LLGL1: variants seen among roughly 807,000 people sequenced by gnomAD.
LLGL1 encodes the protein lethal(2) giant larvae protein homolog 1.
LLGL1 carries 58 observed loss-of-function variants against 110.6 expected under a neutral mutation model. The ratio of observed to expected loss-of-function variants is 0.52; its 90% CI spans 0.42 to 0.65. The LOEUF (loss-of-function observed/expected upper bound fraction) is 0.65, where lower values mean the gene tolerates loss of function less well. Among genes scored for constraint, LLGL1 ranks in the 30% least tolerant of loss-of-function variants. LLGL1 has a pLI of 0.00. For missense variants in LLGL1, 1,229 were observed against 1,462.1 expected (o/e 0.84, Z 2.60); for synonymous variants, 674 against 607.2 (o/e 1.11, Z -1.62).
intron 5 of LLGL1, 30 bp downstream of exon 5, chr17:18,233,966 A>G (rs1366473789): frequency 3.7e-6 from 6 of 1,600,122 alleles, no homozygotes; most frequent in Admixed American, 1.7e-5. Flanking sequence ...CCCAGCACCC[A>G]CTGTGTGCCC....
intron 18 of LLGL1, 23 bp from the exon 19 acceptor site, chr17:18,241,862 T>C: frequency 6.2e-7 from 1 of 1,606,644 alleles, no homozygotes; most frequent in Non-Finnish European, 8.5e-7. Flanking sequence ...CTAACTGCAC[T>C]CCTCATTCTT....
intron 1 of LLGL1, among the ~76,000 whole-genome samples, chr17:18,226,793 G>C (rs8071028): frequency 0.034 from 5,248 of 152,292 alleles, 271 homozygotes; most frequent in African/African-American, 0.11. Flanking sequence ...GTTAGAGCAG[G>C]GCCTCAGCCC....
Position 18,237,663 on chromosome 17 carries a change from A to AGCT in LLGL1, c.1799_1801dup (p.Ala600dup). 6.2e-7 allele frequency: 1 copy of AGCT among 1,612,486 alleles called. No individual in the cohort carries two copies. The highest frequency in any genetic ancestry group is 8.5e-7 in the Non-Finnish European group (1 of 1,179,966). ...GTGTCCTGGTGCAGTGCCTGCCGCC[A>AGCT]GCTGCTGTAACCGCTGTCACACTCC... On this transcript the variant is annotated inframe_insertion, in exon 14 of 23. Coordinates refer to ENST00000316843, the MANE Select transcript of LLGL1 (RefSeq NM_004140.4).
At chr17:18,230,765 A>G (rs1311654071) in intron 2 of LLGL1, among the ~76,000 whole-genome samples, 1 of 152,074 alleles carries the variant, frequency 6.6e-6, no homozygotes, top group African/African-American at 2.4e-5. Flanking sequence ...TTCAGACATC[A>G]GTTCCCAGAA....
chr17:18,227,899 G>A (rs2047485305), intron 1 of LLGL1, among the ~76,000 whole-genome samples: 1 of 152,178 alleles, frequency 6.6e-6, no homozygotes, highest in Non-Finnish European at 1.5e-5. Context: ...TGATCGCTAG[G>A]GAATAGGCCC....
At position 18,241,937 on chromosome 17, in the gene LLGL1, G is replaced by C. The variant is rs2047844316; in HGVS notation, c.2820G>C (p.Arg940=). The change falls in exon 19 of 23, where the codon CGG becomes CGC. Residue 940 remains arginine (R), a synonymous_variant. Coordinates refer to ENST00000316843, the MANE Select transcript of LLGL1 (RefSeq NM_004140.4). ...SEFERFSLSA[R]NITEPLCSLD... ...TTGAACGCTTCTCCCTAAGTGCCCG[G>C]AACATCACAGAGCCGCTCTGCTCTC... 5 of 1,614,172 alleles carry C rather than the reference G, an allele frequency of 3.1e-6. No individual in the cohort carries two copies. Among genetic ancestry groups the C allele is most frequent in the Non-Finnish European group, 4.2e-6 (5 of 1,180,008 alleles).
rs778559680 is a variant in LLGL1 at position 18,241,431 on chromosome 17, C to T, written c.2503-20C>T. 20 of 1,605,488 alleles carry T rather than the reference C, an allele frequency of 1.2e-5. No individual in the cohort carries two copies. Among genetic ancestry groups the T allele is most frequent in the South Asian group, 8.8e-5 (8 of 90,738 alleles). On this transcript the variant is annotated intron_variant, in intron 17 of 22. Coordinates refer to ENST00000316843, the MANE Select transcript of LLGL1 (RefSeq NM_004140.4). ...CGAGGACAGGGCCAGGCTTTGTGCT[C>T]ACCAGCCACCTGCTGTCAGGTGTTC... is the stretch of plus-strand genomic sequence containing the variant.
chr17:18,242,177 G>A lies in LLGL1; in HGVS notation c.2894G>A (p.Arg965Gln), dbSNP rs758272132. ...RDATQASYRI[R>Q]ESPKLSQANG... ...CCCCATCTCTGCAGTTACAGGATCCGAGAGTCACCCAAGCTGAGCCAGGCT... is the reference window on the plus strand; with the variant it reads ...CCCCATCTCTGCAGTTACAGGATCCAAGAGTCACCCAAGCTGAGCCAGGCT... Residue 965 changes from arginine (R) to glutamine (Q), a missense_variant, in exon 20 of 23, where the codon CGA becomes CAA. Transcript: ENST00000316843. The A allele has an allele frequency of 1.4e-5, 22 of 1,613,692 alleles. No individual in the cohort carries two copies. Among genetic ancestry groups the A allele is most frequent in the Admixed American group, 1.0e-4 (6 of 59,974 alleles).
chr17:18,234,892 G>A lies in LLGL1; in HGVS notation c.959G>A (p.Arg320His), dbSNP rs1236793920. 3.7e-6 allele frequency: 6 copies of A among 1,613,940 alleles called. No homozygotes were observed. Among genetic ancestry groups the A allele is most frequent in the South Asian group, 2.2e-5 (2 of 91,072 alleles). Reference protein sequence around the residue: ...GGMPRASYGDRHCVSVLRAET... With the variant: ...GGMPRASYGDHHCVSVLRAET... ...ATGCCCCGTGCCAGCTATGGTGACC[G>A]CCACTGTGTAAGTGTGCTTCGAGCC... Residue 320 changes from arginine to histidine, a missense_variant, in exon 9 of 23, where the codon CGC (arginine) becomes CAC (histidine). Transcript: ENST00000316843.
intron 16 of LLGL1, 71 bp downstream of exon 16, chr17:18,238,680 T>C: frequency 2.7e-6 from 4 of 1,475,072 alleles, no homozygotes; most frequent in Non-Finnish European, 3.7e-6. Context: ...ACCTGGGAGA[T>C]GGGTGGTGGC....
intron 2 of LLGL1, among the ~76,000 whole-genome samples, chr17:18,232,121 G>A (rs1265741273): frequency 1.3e-5 from 2 of 152,256 alleles, no homozygotes; most frequent in Non-Finnish European, 2.9e-5. Context: ...ATAGACACAC[G>A]GAGCTGAAGT....
chr17:18,240,533 G>T lies in LLGL1; in HGVS notation c.2207-45G>T. 2 of 1,539,558 alleles carry T rather than the reference G, an allele frequency of 1.3e-6. No individual in the cohort carries two copies. The highest frequency in any genetic ancestry group is 1.8e-6 in the Non-Finnish European group (2 of 1,141,150). On this transcript the variant is annotated intron_variant, in intron 16 of 22. Coordinates refer to ENST00000316843, the MANE Select transcript of LLGL1 (RefSeq NM_004140.4). This position sits in a 1 kb window ranked among gnomAD's most constrained non-coding sequence, Gnocchi z 5.3. ...TCTGTGGGAAGACCCCAGGGGAGAT[G>T]CCTGGCCCACAGGGAGCACCCTCCT...
Position 18,235,193 on chromosome 17 carries a change from C to T in LLGL1, c.1165C>T (p.Pro389Ser). The T allele has an allele frequency of 6.2e-7, 1 of 1,612,362 alleles. No homozygotes were observed. The highest frequency in any genetic ancestry group is 1.3e-5 in the African/African-American group (1 of 75,060). ...WPAVPAPYLA[P>S]LHSSAITCSA... ...AGCTGTGCCTGCCCCATACCTGGCC[C>T]CGCTGCACTCCTCTGCAATCACTTG... is the stretch of plus-strand genomic sequence containing the variant. Residue 389 changes from proline (P) to serine (S), a missense_variant, in exon 10 of 23, where the codon CCG (proline) becomes TCG (serine). Coordinates refer to ENST00000316843, the MANE Select transcript of LLGL1 (RefSeq NM_004140.4).
intron 16 of LLGL1, among the ~76,000 whole-genome samples, chr17:18,239,074 G>A (rs1451479765): frequency 1.3e-5 from 2 of 152,176 alleles, no homozygotes; most frequent in Non-Finnish European, 2.9e-5. Context: ...CTCTCTGGGG[G>A]AGCTGGATGG....
Position 18,235,003 on chromosome 17 carries a change from C to T in LLGL1, c.1060+10C>T, listed in dbSNP as rs773502171. 2 of 1,613,970 alleles carry T rather than the reference C, an allele frequency of 1.2e-6. No homozygotes were observed. Among genetic ancestry groups the T allele is most frequent in the Admixed American group, 3.3e-5 (2 of 60,026 alleles). ...ACACGGCCCGAGGATGGTGCGTGCCCTGCCGTACCCTACCCTTTCCCAGCC... is the reference window on the plus strand; with the variant it reads ...ACACGGCCCGAGGATGGTGCGTGCCTTGCCGTACCCTACCCTTTCCCAGCC... On this transcript the variant is annotated intron_variant, in intron 9 of 22. Coordinates refer to ENST00000316843, the MANE Select transcript of LLGL1 (RefSeq NM_004140.4).
At chr17:18,231,947 C>A (rs925008388) in intron 2 of LLGL1, among the ~76,000 whole-genome samples, 1 of 152,192 alleles carries the variant, frequency 6.6e-6, no homozygotes, top group Non-Finnish European at 1.5e-5. Flanking sequence ...AGCGAGCCAC[C>A]GTGCCCAGAG....
intron 16 of LLGL1, among the ~76,000 whole-genome samples, chr17:18,239,830 A>C (rs1243158495): frequency 6.6e-6 from 1 of 152,012 alleles, no homozygotes; most frequent in Non-Finnish European, 1.5e-5. Context: ...TGGCCCGAGA[A>C]GGCCGATGGG....
chr17:18,232,886 T>C (rs932840909), intron 4 of LLGL1, 84 bp downstream of exon 4: 68 of 1,568,022 alleles, frequency 4.3e-5, no homozygotes, highest in Admixed American at 1.0e-4. Context: ...AAAGGCAGCA[T>C]GGAGATGGGC....
chr17:18,228,757 G>C (rs1302480927), intron 1 of LLGL1, among the ~76,000 whole-genome samples: 1 of 152,154 alleles, frequency 6.6e-6, no homozygotes, highest in African/African-American at 2.4e-5. Flanking sequence ...TGGTGGGAGA[G>C]AGAAGCCCCA....
Sources: gnomAD v4.1 joint callset for allele counts (sites outside exome capture counted in the v4.1 genomes callset) on GRCh38, gnomAD v4.1.1 for gene constraint, Gnocchi (gnomAD v3.1) non-coding constraint, MANE v1.5 for transcripts, NCBI Gene and HGNC (gene_info 2026-07-23, HGNC 2026-07-21) for gene names.